The following NAT10 variants were observed in gnomAD, a reference collection of about 807,000 sequenced individuals.
The protein encoded by NAT10 is N-acetyltransferase 10.
In NAT10, 109 loss-of-function variants were observed where a neutral mutation model predicts 132.2. That is an observed-to-expected ratio of 0.82 (90% confidence interval 0.71 to 0.97). The LOEUF is 0.97. Among genes scored for constraint, NAT10 ranks in the 50% least tolerant of loss-of-function variants. NAT10 has a pLI of 0.00. For missense variants in NAT10, 1,184 were observed against 1,263.4 expected, an observed-to-expected ratio of 0.94 and a Z score of 0.95; for synonymous variants, 479 against 478.0, an observed-to-expected ratio of 1.00 and a Z score of -0.03.
At chr11:34,107,331 C>G (rs1851613938) in intron 1 of NAT10, 1 of 152,204 alleles carries the variant, frequency 6.6e-6, no homozygotes, top group Non-Finnish European at 1.5e-5. Flanking sequence ...TCTGTCTGTA[C>G]AAAGGCTTCA....
chr11:34,142,404 G>A lies in NAT10; in HGVS notation c.2885+56G>A, dbSNP rs367712537. On this transcript the variant is annotated intron_variant, in intron 27 of 28. Coordinates refer to ENST00000257829, the MANE Select transcript of NAT10 (RefSeq NM_024662.3). ...TTGGCTTCTGGGGCCCTAAGAATCT[G>A]CCTACACGTTTCTTCTAATCATATC... 5.1e-5 allele frequency: 75 copies of A among 1,482,948 alleles called. No homozygotes were observed. In the African/African-American group the frequency reaches 6.8e-4, roughly 13 times the overall value. The allele number at this position is 1,482,948 out of a possible 1,614,324, so 91.9% of individuals were successfully genotyped here. A position where few individuals can be genotyped will look rare whatever the true frequency, so the allele number is the denominator to read the frequency against.
intron 1 of NAT10, among the ~76,000 whole-genome samples, chr11:34,106,631 G>A (rs140558313): frequency 1.3e-5 from 2 of 152,286 alleles, no homozygotes; most frequent in East Asian, 1.9e-4. Context: ...GCAACACAAG[G>A]TTTACAAGTT....
intron 12 of NAT10, among the ~76,000 whole-genome samples, chr11:34,127,997 TTTAA>T (rs1476764055): frequency 2.0e-5 from 3 of 152,200 alleles, no homozygotes; most frequent in African/African-American, 4.8e-5. Context: ...ATTTGAAATA[TTTAA>T]TTTTTTAATT....
intron 12 of NAT10, among the ~76,000 whole-genome samples, chr11:34,129,843 A>AG (rs1214281481): frequency 6.6e-6 from 1 of 151,846 alleles, no homozygotes; most frequent in Non-Finnish European, 1.5e-5. Flanking sequence ...TCCTGACCTC[A>AG]GGTGATCTAC....
At chr11:34,114,221 G>A (rs1851746748) in intron 5 of NAT10, among the ~76,000 whole-genome samples, 1 of 152,172 alleles carries the variant, frequency 6.6e-6, no homozygotes, top group South Asian at 2.1e-4. Context: ...TTATCCTAAT[G>A]GATGACGAAG....
Position 34,118,384 on chromosome 11 carries a change from T to G in NAT10, c.673-12T>G. ...ACAGTGACAGACCTTCCCCTTCTCC[T>G]CTCTCTGGTAGGATGAGAGTCTTGG... On this transcript the variant is annotated splice_polypyrimidine_tract_variant and intron_variant, in intron 7 of 28. Coordinates refer to ENST00000257829, the MANE Select transcript of NAT10 (RefSeq NM_024662.3). 6.2e-7 allele frequency: 1 copy of G among 1,613,386 alleles called. No homozygotes were observed. Among genetic ancestry groups the G allele is most frequent in the Non-Finnish European group, 8.5e-7 (1 of 1,179,446 alleles).
chr11:34,107,454 T>G (rs991536231), intron 1 of NAT10: 3 of 152,202 alleles, frequency 2.0e-5, no homozygotes, highest in African/African-American at 7.2e-5. Context: ...TTTTTAAGAT[T>G]CCACAAAAAC....
At chr11:34,127,428 A>G (rs2132957868) in intron 11 of NAT10, 35 bp from the exon 12 acceptor site, 6 of 1,574,594 alleles carry the variant, frequency 3.8e-6, no homozygotes, top group Non-Finnish European at 5.2e-6. Flanking sequence ...ACATGAGTTC[A>G]CTATGCTAAT....
Position 34,139,213 on chromosome 11 carries a change from C to G in NAT10, c.2234C>G (p.Ser745Trp). The change falls in exon 22 of 29, where the codon TCG becomes TGG. Residue 745 changes from serine to tryptophan, a missense_variant. Ser to Trp is a radical substitution (Grantham distance 177). Transcript: ENST00000257829. The part of the protein sequence containing the change: ...QTPNDLTGEH[S>W]CIMLKTLTDE... ...CAGAATGACCTGACCGGAGAGCACT[C>G]GTGCATCATGCTGAAGACGCTCACT... 1 of 1,613,990 alleles carries G rather than the reference C, an allele frequency of 6.2e-7. No homozygotes were observed. Among genetic ancestry groups the G allele is most frequent in the African/African-American group, 1.3e-5 (1 of 74,998 alleles).
At chr11:34,140,357 C>A in intron 23 of NAT10, 43 bp from the exon 24 acceptor site, 1 of 1,578,264 alleles carries the variant, frequency 6.3e-7, no homozygotes, top group South Asian at 1.1e-5. Context: ...CTCATGAGGG[C>A]GCCGGGTGAC....
intron 8 of NAT10, among the ~76,000 whole-genome samples, chr11:34,120,571 G>C (rs971968633): frequency 2.6e-5 from 4 of 152,164 alleles, no homozygotes; most frequent in Non-Finnish European, 5.9e-5. Flanking sequence ...AGCAAAGTTT[G>C]GCCCCTAAGT....
chr11:34,142,227 T>G, intron 26 of NAT10, 48 bp from the exon 27 acceptor site: 1 of 1,577,244 alleles, frequency 6.3e-7, no homozygotes, highest in Non-Finnish European at 8.7e-7. Context: ...CTGTGTTTGG[T>G]TCAATCCTTG....
chr11:34,124,162 C>CA (rs550223031), intron 10 of NAT10, 140 bp from the exon 11 acceptor site: 24,466 of 475,960 alleles, frequency 0.051, no homozygotes, highest in South Asian at 0.061. Context: ...AACTCCATCT[C>CA]AAAAAAAAAA....
At chr11:34,136,383 C>CT (rs1187438128) in intron 19 of NAT10, among the ~76,000 whole-genome samples, 2 of 152,226 alleles carry the variant, frequency 1.3e-5, no homozygotes, top group Non-Finnish European at 2.9e-5. Flanking sequence ...CTCCCGGCCT[C>CT]TGTCAGTCGT....
rs1214172700 is a variant in NAT10, at chr11:34,141,113, C to T, written c.2617C>T (p.Gln873Ter). 1.9e-6 allele frequency: 3 copies of T among 1,613,972 alleles called. No individual in the cohort carries two copies. Among genetic ancestry groups the T allele is most frequent in the Admixed American group, 3.3e-5 (2 of 59,990 alleles). ...QSALLLGIGL[Q>*]HKSVDQLEKE... ...GGCTCTTCTCTTGGGGATTGGCCTG[C>T]AGCATAAGTCTGTGGACCAGCTGGA... Residue 873 changes from glutamine to a stop codon, truncating the protein, a stop_gained, in exon 25 of 29, where the codon CAG becomes TAG. Coordinates refer to ENST00000257829, the MANE Select transcript of NAT10 (RefSeq NM_024662.3). LOFTEE classifies it high-confidence loss of function.
chr11:34,133,697 G>T (rs185141120), intron 16 of NAT10, among the ~76,000 whole-genome samples: 3 of 152,160 alleles, frequency 2.0e-5, no homozygotes, highest in African/African-American at 7.2e-5. Context: ...AACTTGTGCT[G>T]TTCTGTACAG....
chr11:34,132,068 T>A, intron 14 of NAT10, 57 bp from the exon 15 acceptor site: 1 of 1,270,124 alleles, frequency 7.9e-7, no homozygotes, highest in South Asian at 1.2e-5. Context: ...CTCCAGAGAG[T>A]AGTATGACCT....
At position 34,137,009 on chromosome 11, in the gene NAT10, T is replaced by G; in HGVS notation, c.2194T>G (p.Tyr732Asp). The G allele has an allele frequency of 6.2e-7, 1 of 1,614,224 alleles. No individual in the cohort carries two copies. Among genetic ancestry groups the G allele is most frequent in the Non-Finnish European group, 8.5e-7 (1 of 1,180,038 alleles). Residue 732 changes from tyrosine (Y) to aspartate (D), a missense_variant, in exon 21 of 29, where the codon TAT becomes GAT. Physicochemically the swap from Tyr to Asp is radical, Grantham distance 160. Transcript: ENST00000257829. ...FWKRAGFVPV[Y>D]LRQTPNDLTG... ...GAAACGAGCTGGATTTGTTCCTGTT[T>G]ATCTGAGACAGACCCCGGTGAGTGA...
chr11:34,136,895 C>T (rs888256660), intron 20 of NAT10, 83 bp from the exon 21 acceptor site: 194 of 1,609,814 alleles, frequency 1.2e-4, no homozygotes, highest in Non-Finnish European at 1.5e-4. Flanking sequence ...GTGGCGTGCT[C>T]TTCCTGGCTC....
Sources: gnomAD v4.1 joint callset for allele counts (sites outside exome capture counted in the v4.1 genomes callset) on GRCh38, gnomAD v4.1.1 for gene constraint, MANE v1.5 for transcripts, NCBI Gene and HGNC (gene_info 2026-07-23, HGNC 2026-07-21) for gene names.